The following NR2F1-AS1 variants were observed in gnomAD, a reference collection of about 807,000 sequenced individuals.
NR2F1-AS1 encodes NR2F1 antisense RNA 1.
intron 4 of NR2F1-AS1, among the ~76,000 whole-genome samples, chr5:93,430,161 G>A (rs1561432645): frequency 6.6e-6 from 1 of 152,228 alleles, no homozygotes; most frequent in African/African-American, 2.4e-5. Flanking sequence ...GTGTGAGTGA[G>A]GGAGTGAGAC....
chr5:93,570,931 G>A (rs1752749178), intron 1 of NR2F1-AS1: 1 of 152,216 alleles, frequency 6.6e-6, no homozygotes, highest in Non-Finnish European at 1.5e-5. Context: ...GGCCCTCGGA[G>A]GGGCCCCTAC....
intron 4 of NR2F1-AS1, among the ~76,000 whole-genome samples, chr5:93,458,064 A>G (rs1749991917): frequency 6.6e-6 from 1 of 152,190 alleles, no homozygotes; most frequent in Admixed American, 6.5e-5. Context: ...CACCAAATGA[A>G]GGGGTGGCCA....
intron 4 of NR2F1-AS1, chr5:93,541,918 A>T (rs1751958889): frequency 6.6e-6 from 1 of 152,024 alleles, no homozygotes; most frequent in South Asian, 2.1e-4. Flanking sequence ...ATCAAAATTA[A>T]TGTAAAAATC....
intron 4 of NR2F1-AS1, among the ~76,000 whole-genome samples, chr5:93,418,563 C>A (rs2149841309): frequency 6.6e-6 from 1 of 151,758 alleles, no homozygotes; most frequent in East Asian, 1.9e-4. Flanking sequence ...TCCAGCCTGG[C>A]AAAAGAGCGA....
At chr5:93,482,555 GT>G (rs1332179095) in intron 4 of NR2F1-AS1, among the ~76,000 whole-genome samples, 25 of 149,310 alleles carry the variant, frequency 1.7e-4, no homozygotes, top group Admixed American at 1.4e-3. Context: ...AACTACAGGA[GT>G]TTTTTTTTTA....
chr5:93,553,937 C>T (rs969178445), intron 3 of NR2F1-AS1: 7 of 152,130 alleles, frequency 4.6e-5, no homozygotes, highest in African/African-American at 9.7e-5. Context: ...AAAACCTATG[C>T]CCTTGGTCCC....
intron 4 of NR2F1-AS1, among the ~76,000 whole-genome samples, chr5:93,515,531 A>G (rs1170416755): frequency 1.3e-5 from 2 of 151,944 alleles, no homozygotes; most frequent in Non-Finnish European, 2.9e-5. Flanking sequence ...TATTTGATTA[A>G]CATCTATCTC....
intron 4 of NR2F1-AS1, among the ~76,000 whole-genome samples, chr5:93,525,916 A>C (rs1264470597): frequency 6.6e-6 from 1 of 152,246 alleles, no homozygotes; most frequent in Non-Finnish European, 1.5e-5. Flanking sequence ...AAAGGTCTGA[A>C]ATCAACAACT....
chr5:93,567,458 A>T (rs1268662637), intron 1 of NR2F1-AS1, among the ~76,000 whole-genome samples: 1 of 152,124 alleles, frequency 6.6e-6, no homozygotes, highest in Non-Finnish European at 1.5e-5. Flanking sequence ...TAGTTTCCTG[A>T]TTTTATTTTT....
chr5:93,466,906 G>T lies in NR2F1-AS1; in HGVS notation n.639-71364C>A, dbSNP rs1241522940. Among the ~76,000 whole-genome samples, 553 of 115,980 alleles carry T rather than the reference G, an allele frequency of 4.8e-3. 16 individuals carry two copies. The highest frequency in any genetic ancestry group is 0.021 in the African/African-American group (498 of 24,152). 76.1% of individuals were successfully genotyped at this position (115,980 alleles called of 152,430 possible). ...CCTTCTCCAGAATATCCCTTTTTTG[G>T]GGGGGGGGGGGGTGGACGGAGTCTC... On this transcript the variant is annotated intron_variant and non_coding_transcript_variant, in intron 4 of 5. Transcript: ENST00000660523.
At chr5:93,548,855 G>C (rs1752156219) in intron 4 of NR2F1-AS1, among the ~76,000 whole-genome samples, 1 of 152,100 alleles carries the variant, frequency 6.6e-6, no homozygotes, top group Non-Finnish European at 1.5e-5. Flanking sequence ...TGGATGATAA[G>C]AGTGAGAATC....
At chr5:93,531,507 T>G (rs1233924718) in intron 4 of NR2F1-AS1, among the ~76,000 whole-genome samples, 3 of 152,188 alleles carry the variant, frequency 2.0e-5, no homozygotes, top group African/African-American at 7.2e-5. Context: ...TAATAAAATG[T>G]TTTTCTTTTC....
intron 4 of NR2F1-AS1, among the ~76,000 whole-genome samples, chr5:93,485,446 G>A (rs900630259): frequency 1.3e-5 from 2 of 152,012 alleles, no homozygotes; most frequent in African/African-American, 4.8e-5. Flanking sequence ...GAATCTCTGG[G>A]ACACAGTTGA....
intron 4 of NR2F1-AS1, among the ~76,000 whole-genome samples, chr5:93,437,236 T>C (rs1561435973): frequency 6.6e-6 from 1 of 152,096 alleles, no homozygotes; most frequent in Non-Finnish European, 1.5e-5. Flanking sequence ...TTGCAATGTG[T>C]CAAGTCCAAA....
At chr5:93,576,533 G>A (rs1324943507) in intron 1 of NR2F1-AS1, among the ~76,000 whole-genome samples, 1 of 151,642 alleles carries the variant, frequency 6.6e-6, no homozygotes, top group Admixed American at 6.6e-5. Context: ...AGAAGGAAAT[G>A]TTAGGTTTAT....
intron 4 of NR2F1-AS1, among the ~76,000 whole-genome samples, chr5:93,416,643 C>T (rs149823657): frequency 2.2e-4 from 33 of 152,190 alleles, no homozygotes; most frequent in African/African-American, 7.2e-4. Context: ...ATTATCATAC[C>T]ATTTTTACAA....
At chr5:93,527,819 T>C (rs1225122039) in intron 4 of NR2F1-AS1, among the ~76,000 whole-genome samples, 1 of 152,162 alleles carries the variant, frequency 6.6e-6, no homozygotes, top group Non-Finnish European at 1.5e-5. Context: ...CCTGGACCCC[T>C]TCCTTACACC....
chr5:93,535,432 T>G (rs1265591054), intron 4 of NR2F1-AS1, among the ~76,000 whole-genome samples: 2 of 151,602 alleles, frequency 1.3e-5, no homozygotes, highest in East Asian at 3.9e-4. Flanking sequence ...ACGGAAAAAT[T>G]TTAAACAATC....
intron 3 of NR2F1-AS1, among the ~76,000 whole-genome samples, chr5:93,554,472 T>C (rs1752304083): frequency 1.3e-5 from 2 of 152,340 alleles, no homozygotes; most frequent in South Asian, 4.1e-4. Flanking sequence ...TATCAGTTTC[T>C]AGTTGAATCT....
Sources: gnomAD v4.1 joint callset for allele counts (sites outside exome capture counted in the v4.1 genomes callset) on GRCh38, gnomAD v4.1.1 for gene constraint, MANE v1.5 for transcripts, NCBI Gene and HGNC (gene_info 2026-07-23, HGNC 2026-07-21) for gene names.